CNOT3: variants seen among roughly 807,000 people sequenced by gnomAD.
CNOT3 encodes CCR4-associated factor 3.
In CNOT3, 2 loss-of-function variants were observed where a neutral mutation model predicts 89.4. The ratio of observed to expected loss-of-function variants is 0.02; its 90% CI spans 0.01 to 0.07. The LOEUF (loss-of-function observed/expected upper bound fraction) is 0.07. Ranked by LOEUF, CNOT3 falls within the 10% of genes least tolerant of loss-of-function variation. CNOT3 has a pLI of 1.00. For synonymous variants in CNOT3, 486 were observed against 402.0 expected (o/e 1.21, Z -2.50); for missense variants, 664 against 1,010.2 (o/e 0.66, Z 4.65).
intron 13 of CNOT3, among the ~76,000 whole-genome samples, chr19:54,150,273 G>T (rs1297662683): frequency 1.3e-5 from 2 of 152,152 alleles, no homozygotes; most frequent in South Asian, 2.1e-4. Flanking sequence ...CTGAGAGGGG[G>T]TGATGTTTAA....
In CNOT3 at chr19:54,143,352, C is replaced by T. The variant is rs147557629; in HGVS notation, c.94-90C>T. ...ATTGGGGGTAGGGGTTGGGGGGGGT[C>T]CTCGAGTCCCTAGCATAAGGAAGAA... On this transcript the variant is annotated intron_variant, in intron 3 of 17. Transcript: ENST00000221232. The T allele has an allele frequency of 2.2e-3, 2,902 of 1,319,400 alleles. 48 individuals carry two copies. The African/African-American group carries it at 0.034, about 15-fold the overall frequency. 81.7% of individuals were successfully genotyped at this position (1,319,400 alleles called of 1,614,324 possible).
chr19:54,153,565 G>A (rs1054422721), intron 16 of CNOT3, 150 bp from the exon 17 acceptor site: 1 of 781,210 alleles, frequency 1.3e-6, no homozygotes, highest in African/African-American at 1.7e-5. Flanking sequence ...TATGTTCTGT[G>A]CCCCCAGCCC....
At chr19:54,146,783 C>G in intron 10 of CNOT3, 126 bp downstream of exon 10, 3 of 729,524 alleles carry the variant, frequency 4.1e-6, no homozygotes, top group Non-Finnish European at 7.6e-6. Context: ...GAAATCAGTG[C>G]TGCCCTGAGG....
Position 54,147,920 on chromosome 19 carries a change from C to T in CNOT3, c.895-228C>T, listed in dbSNP as rs145144753. On this transcript the variant is annotated intron_variant, in intron 10 of 17. Coordinates refer to ENST00000221232, the MANE Select transcript of CNOT3 (RefSeq NM_014516.4). ...TCCATGGGGCGGTGTCCAGGCAGGACTTGGGAAGCTGGGCAGGCTGGAAAT... is the reference window on the plus strand; with the variant it reads ...TCCATGGGGCGGTGTCCAGGCAGGATTTGGGAAGCTGGGCAGGCTGGAAAT... 2.3e-4 allele frequency among the ~76,000 whole-genome samples: 35 copies of T among 152,244 alleles called. No homozygotes were observed. The East Asian group carries it at 4.4e-3, about 19-fold the overall frequency.
intron 17 of CNOT3, chr19:54,154,054 C>T (rs1472989539): frequency 1.1e-5 from 8 of 729,234 alleles, no homozygotes; most frequent in Non-Finnish European, 2.0e-5. Flanking sequence ...TCCTGTAGGT[C>T]TCAGCCCAAA....
At chr19:54,141,236 T>C (rs1226114821) in intron 1 of CNOT3, among the ~76,000 whole-genome samples, 1 of 152,182 alleles carries the variant, frequency 6.6e-6, no homozygotes, top group African/African-American at 2.4e-5. Flanking sequence ...TGCTTTGCCT[T>C]CTTAGAGATT....
At chr19:54,143,285 T>A in intron 3 of CNOT3, 99 bp downstream of exon 3, 1 of 1,225,146 alleles carries the variant, frequency 8.2e-7, no homozygotes, top group Non-Finnish European at 1.2e-6. Flanking sequence ...AGGGGCTACA[T>A]ATGCAGATGC....
Position 54,152,963 on chromosome 19 carries a change from G to T in CNOT3, c.2001G>T (p.Ser667=), listed in dbSNP as rs202038414. 1.2e-6 allele frequency: 2 copies of T among 1,609,100 alleles called. No homozygotes were observed. The part of the protein sequence containing the change: ...SDTVEFYQRL[S]TETLFFIFYY... ...CTGTGGAATTCTACCAGCGCCTGTC[G>T]ACCGAGACACTCTTCTTCATCTTCT... The change falls in exon 16 of 18, where the codon TCG becomes TCT. Residue 667 remains serine, a synonymous_variant. Transcript: ENST00000221232.
chr19:54,153,890 CCCAGGCT>C, intron 17 of CNOT3, 50 bp downstream of exon 17: 1 of 1,613,244 alleles, frequency 6.2e-7, no homozygotes. Flanking sequence ...GGGTAGAGTC[CCCAGGCT>C]CCAGGCAGCC....
rs564739379 is a variant in CNOT3 at position 54,154,359 on chromosome 19, C to G, written c.2163+519C>G. 1.9e-5 allele frequency: 5 copies of G among 265,022 alleles called. No individual in the cohort carries two copies. The South Asian group carries it at 2.0e-4, about 11-fold the overall frequency. The allele number at this position is 265,022 out of a possible 1,614,324, so 16.4% of individuals were successfully genotyped here. A position where few individuals can be genotyped will look rare whatever the true frequency, so the allele number is the denominator to read the frequency against. On this transcript the variant is annotated intron_variant, in intron 17 of 17. Transcript: ENST00000221232. ...TGGAACCAACCTACCTGGGTTTCAG[C>G]CCAGTCCAGCTGGGCGACTCTAGGC... is the stretch of plus-strand genomic sequence containing the variant.
Position 54,144,463 on chromosome 19 carries a change from G to T in CNOT3, c.483+131G>T. 1 of 690,304 alleles carries T rather than the reference G, an allele frequency of 1.4e-6. No individual in the cohort carries two copies. Among genetic ancestry groups the T allele is most frequent in the Non-Finnish European group, 2.6e-6 (1 of 388,146 alleles). 42.8% of individuals were successfully genotyped at this position (690,304 alleles called of 1,614,324 possible). ...CTCAGGCGGACAGGGCCAACAGCCG[G>T]GATTAGGGATTTGAGAGACAGGATT... On this transcript the variant is annotated intron_variant, in intron 7 of 17. Transcript: ENST00000221232. The surrounding 1 kb of genome is among the most constrained non-coding windows in gnomAD (Gnocchi z 4.8).
At chr19:54,139,306 A>T (rs1025445505) in intron 1 of CNOT3, among the ~76,000 whole-genome samples, 1 of 152,110 alleles carries the variant, frequency 6.6e-6, no homozygotes, top group Non-Finnish European at 1.5e-5. Flanking sequence ...CAAGAAGCCC[A>T]CTGCCCTTGA....
rs201836403 is a variant in CNOT3, at chr19:54,155,412, G to C, written c.*5G>C. The C allele has an allele frequency of 1.9e-6, 3 of 1,578,322 alleles. No individual in the cohort carries two copies. The highest frequency in any genetic ancestry group is 2.6e-6 in the Non-Finnish European group (3 of 1,155,338). ...GAGGACCGGGACCTCCAGTGACACCGGCCCCTCCCTCTACCCACCCCCTTC... is the reference window on the plus strand; with the variant it reads ...GAGGACCGGGACCTCCAGTGACACCCGCCCCTCCCTCTACCCACCCCCTTC... On this transcript the variant is annotated 3_prime_UTR_variant, in exon 18 of 18. Transcript: ENST00000221232.
At position 54,145,312 on chromosome 19, in the gene CNOT3, G is replaced by C. The variant is rs1430736803; in HGVS notation, c.484-286G>C. 6.6e-6 allele frequency among the ~76,000 whole-genome samples: 1 copy of C among 152,102 alleles called. No individual in the cohort carries two copies. The highest frequency in any genetic ancestry group is 1.5e-5 in the Non-Finnish European group (1 of 68,010). On this transcript the variant is annotated intron_variant, in intron 7 of 17. Coordinates refer to ENST00000221232, the MANE Select transcript of CNOT3 (RefSeq NM_014516.4). This position sits in a 1 kb window ranked among gnomAD's most constrained non-coding sequence, Gnocchi z 5.9. ...AGGTGCAGATGGAGGCCAAGTCGTG[G>C]GATGGCACAAGGACCTCTGGGTCTT... is the stretch of plus-strand genomic sequence containing the variant.
chr19:54,148,375 T>C lies in CNOT3; in HGVS notation c.1122T>C (p.Ala374=), dbSNP rs17851398. 5 of 1,567,282 alleles carry C rather than the reference T, an allele frequency of 3.2e-6. No individual in the cohort carries two copies. In the African/African-American group the frequency reaches 5.4e-5, roughly 17 times the overall value. The change falls in exon 11 of 18, where the codon GCT becomes GCC. Residue 374 remains alanine (A), a synonymous_variant. Transcript: ENST00000221232. The surrounding 1 kb of genome is among the most constrained non-coding windows in gnomAD (Gnocchi z 6.3). Reference sequence around the variant, plus strand: ...GCACCCCTGCTCCCTATGCCCAGGCTGTGGCCCCACCAGCTCCCAGTGGGC... The same window carrying C: ...GCACCCCTGCTCCCTATGCCCAGGCCGTGGCCCCACCAGCTCCCAGTGGGC... The part of the protein sequence containing the change: ...NSGTPAPYAQ[A]VAPPAPSGPS...
intron 17 of CNOT3, 134 bp downstream of exon 17, chr19:54,153,974 TCCTC>T (rs2075284347): frequency 8.8e-7 from 1 of 1,140,950 alleles, no homozygotes; most frequent in African/African-American, 1.5e-5. Flanking sequence ...GACCAAGTAC[TCCTC>T]CCTCTGGCTG....
At chr19:54,138,158 C>G (rs2074290906) in intron 1 of CNOT3, among the ~76,000 whole-genome samples, 165 bp downstream of exon 1, 3 of 151,830 alleles carry the variant, frequency 2.0e-5, no homozygotes, top group Admixed American at 1.3e-4. Flanking sequence ...GGGCTCCCGG[C>G]GGGGGGCGGC....
At position 54,148,699 on chromosome 19, in the gene CNOT3, C is replaced by T. The variant is rs587769010; in HGVS notation, c.1362C>T (p.Ala454=). 37 of 1,611,924 alleles carry T rather than the reference C, an allele frequency of 2.3e-5. No individual in the cohort carries two copies. The South Asian group carries it at 3.2e-4, about 14-fold the overall frequency. ...SSGGNNASSQ[A]LGPPSGPHNP... ...GGGGCAACAATGCCAGCAGCCAGGC[C>T]TTGGGCCCCCCTTCCGGCCCCCACA... The change falls in exon 12 of 18, where the codon GCC becomes GCT. Residue 454 remains alanine, a synonymous_variant. Transcript: ENST00000221232. The surrounding 1 kb of genome is among the most constrained non-coding windows in gnomAD (Gnocchi z 6.3).
Position 54,155,530 on chromosome 19 carries a change from A to G in CNOT3, c.*123A>G, listed in dbSNP as rs1379482133. On this transcript the variant is annotated 3_prime_UTR_variant, in exon 18 of 18. Transcript: ENST00000221232. ...CACGGGGCATCCCCCTCTCCCAGGAAGCAGGGAGGGGGCCGGGAGGTTTTC... is the reference window on the plus strand; with the variant it reads ...CACGGGGCATCCCCCTCTCCCAGGAGGCAGGGAGGGGGCCGGGAGGTTTTC... 1.4e-5 allele frequency: 13 copies of G among 905,806 alleles called. No individual in the cohort carries two copies. Among genetic ancestry groups the G allele is most frequent in the Non-Finnish European group, 2.1e-5 (13 of 605,532 alleles). The allele number at this position is 905,806 out of a possible 1,614,324, so 56.1% of individuals were successfully genotyped here.
Sources: gnomAD v4.1 joint callset for allele counts (sites outside exome capture counted in the v4.1 genomes callset) on GRCh38, gnomAD v4.1.1 for gene constraint, Gnocchi (gnomAD v3.1) non-coding constraint, MANE v1.5 for transcripts, NCBI Gene and HGNC (gene_info 2026-07-23, HGNC 2026-07-21) for gene names.